Variants in ZNF223 observed in about 807,000 individuals in gnomAD.
ZNF223 encodes Homo sapiens zinc finger protein 223.
Under a neutral mutation model 12.3 loss-of-function variants are expected in ZNF223, and 9 were observed. That is an observed-to-expected ratio of 0.73 (90% CI 0.44 to 1.28). ZNF223 has a LOEUF of 1.28. ZNF223 is among the 50% of genes most tolerant of loss of function. The pLI, the probability that ZNF223 is intolerant of heterozygous loss-of-function variation, is 0.00. For synonymous variants in ZNF223, 171 were observed against 195.2 expected (o/e 0.88, Z 1.03); for missense variants, 506 against 579.0 (o/e 0.87, Z 1.29).
intron 4 of ZNF223, among the ~76,000 whole-genome samples, chr19:44,065,006 C>T (rs1457741222): frequency 6.6e-6 from 1 of 152,168 alleles, no homozygotes; most frequent in Non-Finnish European, 1.5e-5. Flanking sequence ...CACTGGTTCC[C>T]TGTGACCTAA....
Position 44,067,713 on chromosome 19 carries a change from CA to C in ZNF223, c.*437del, listed in dbSNP as rs1416522357. On this transcript the variant is annotated 3_prime_UTR_variant, in exon 5 of 5. Coordinates refer to ENST00000434772, the MANE Select transcript of ZNF223 (RefSeq NM_013361.6). The stretch of plus-strand genomic sequence containing the variant: ...GCAGAGAATGCTGCAGGGTTTCTAA[CA>C]GAAGTTTGACAATTAGTTATTATTC... 6.6e-6 allele frequency: 2 copies of C among 301,694 alleles called. No homozygotes were observed. Among genetic ancestry groups the C allele is most frequent in the East Asian group, 1.4e-4 (2 of 14,164 alleles). The allele number at this position is 301,694 out of a possible 1,614,324, so 18.7% of individuals were successfully genotyped here.
intron 4 of ZNF223, among the ~76,000 whole-genome samples, chr19:44,064,972 G>A (rs11672570): frequency 0.028 from 4,322 of 152,234 alleles, 171 homozygotes; most frequent in African/African-American, 0.091. Context: ...GTTGATTCCT[G>A]TGTGGTTATT....
intron 1 of ZNF223, among the ~76,000 whole-genome samples, chr19:44,054,158 T>A (rs1976735950): frequency 6.6e-6 from 1 of 151,890 alleles, no homozygotes; most frequent in African/African-American, 2.4e-5. Context: ...ACAGGAGTGT[T>A]AAGATGCCCT....
At chr19:44,062,832 C>T (rs1318015943) in intron 4 of ZNF223, among the ~76,000 whole-genome samples, 1 of 152,252 alleles carries the variant, frequency 6.6e-6, no homozygotes, top group Non-Finnish European at 1.5e-5. Context: ...GCCCACACTT[C>T]ACTGCCTCCA....
intron 1 of ZNF223, among the ~76,000 whole-genome samples, chr19:44,053,879 C>A (rs1174538275): frequency 6.6e-6 from 1 of 152,222 alleles, no homozygotes; most frequent in African/African-American, 2.4e-5. Context: ...CCTGCAAACA[C>A]ATTTTTACCA....
chr19:44,066,035 C>T, intron 4 of ZNF223, 29 bp from the exon 5 acceptor site: 2 of 1,555,900 alleles, frequency 1.3e-6, no homozygotes, highest in East Asian at 4.5e-5. Context: ...CATAGCTTGT[C>T]CTGATCTCTT....
intron 4 of ZNF223, among the ~76,000 whole-genome samples, chr19:44,064,590 A>T (rs929732313): frequency 6.6e-6 from 1 of 152,180 alleles, no homozygotes; most frequent in African/African-American, 2.4e-5. Context: ...GTTTAATGGG[A>T]CATTTTACAG....
At chr19:44,057,505 A>G (rs1385068207) in intron 2 of ZNF223, among the ~76,000 whole-genome samples, 1 of 152,216 alleles carries the variant, frequency 6.6e-6, no homozygotes, top group Non-Finnish European at 1.5e-5. Context: ...TAATAACAGT[A>G]ATAAGTAATA....
chr19:44,066,211 G>GTGAT lies in ZNF223; in HGVS notation c.384_387dup (p.Ala130Ter). On this transcript the variant is annotated frameshift_variant, in exon 5 of 5. Transcript: ENST00000434772. LOFTEE classifies it low-confidence loss of function (END_TRUNC). ...AAGAGCTCTCAGTTCTTTGAACAGGGTGATGCCCACTCCCAGGTTGAGGAA... is the reference window on the plus strand; with the variant it reads ...AAGAGCTCTCAGTTCTTTGAACAGGGTGATTGATGCCCACTCCCAGGTTGAGGAA... 1 of 1,614,176 alleles carries GTGAT rather than the reference G, an allele frequency of 6.2e-7. No homozygotes were observed. Among genetic ancestry groups the GTGAT allele is most frequent in the Non-Finnish European group, 8.5e-7 (1 of 1,180,036 alleles).
Position 44,055,152 on chromosome 19 carries a change from CA to C in ZNF223, c.-22del. The C allele has an allele frequency of 6.2e-7, 1 of 1,612,958 alleles. No homozygotes were observed. ...TGGAACTGTGTCATTCAGGACTCTG[CA>C]AATTCCCTAAAGTAGGAGGAAAAAT... is the stretch of plus-strand genomic sequence containing the variant. On this transcript the variant is annotated 5_prime_UTR_variant, in exon 2 of 5. An upstream open reading frame in the 5' UTR gains an earlier in-frame stop. Coordinates refer to ENST00000434772, the MANE Select transcript of ZNF223 (RefSeq NM_013361.6).
intron 4 of ZNF223, among the ~76,000 whole-genome samples, chr19:44,064,940 A>G (rs1976885601): frequency 6.6e-6 from 1 of 151,850 alleles, no homozygotes; most frequent in Non-Finnish European, 1.5e-5. Context: ...TTGGGGCTCC[A>G]TTACATAGCC....
chr19:44,064,761 G>C (rs1976883079), intron 4 of ZNF223, among the ~76,000 whole-genome samples: 1 of 152,060 alleles, frequency 6.6e-6, no homozygotes, highest in Non-Finnish European at 1.5e-5. Context: ...AGTTAACCAA[G>C]GGGGAAAAAC....
Position 44,066,458 on chromosome 19 carries a change from T to C in ZNF223, c.630T>C (p.Gly210=). The part of the protein sequence containing the change: ...GEKLFKCDVC[G]KEFSQSLHLQ... ...AACTCTTTAAGTGTGACGTGTGTGG[T>C]AAGGAATTCAGTCAGAGTTTACATC... The change falls in exon 5 of 5, where the codon GGT becomes GGC. Residue 210 remains glycine, a synonymous_variant. Transcript: ENST00000434772. 1.2e-6 allele frequency: 2 copies of C among 1,614,166 alleles called. No individual in the cohort carries two copies. The highest frequency in any genetic ancestry group is 1.7e-6 in the Non-Finnish European group (2 of 1,180,038).
In ZNF223 at chr19:44,064,515, C is replaced by T. The variant is rs543433616; in HGVS notation, c.236-1549C>T. ...CAAAATTCTTGTATAGGAATACTTT[C>T]GATTTGTAGATATAAACATTCTAAG... On this transcript the variant is annotated intron_variant, in intron 4 of 4. Transcript: ENST00000434772. 4.5e-4 allele frequency among the ~76,000 whole-genome samples: 69 copies of T among 152,094 alleles called. No homozygotes were observed. The South Asian group carries it at 0.013, about 29-fold the overall frequency.
rs1405230172 is a variant in ZNF223 at position 44,066,668 on chromosome 19, A to T, written c.840A>T (p.Arg280Ser). The change falls in exon 5 of 5, where the codon AGA (arginine) becomes AGT (serine). Residue 280 changes from arginine to serine, a missense_variant. Transcript: ENST00000434772. ...ATTTCCAGCTTCAGAAACATCAGAG[A>T]ATTCACACAGGGGAGAAGCCATTCA... ...IHDFQLQKHQ[R>S]IHTGEKPFKC... 1.2e-6 allele frequency: 2 copies of T among 1,614,112 alleles called. No individual in the cohort carries two copies. The highest frequency in any genetic ancestry group is 1.7e-6 in the Non-Finnish European group (2 of 1,180,038).
chr19:44,055,962 A>C (rs1032040382), intron 2 of ZNF223, among the ~76,000 whole-genome samples: 2 of 152,146 alleles, frequency 1.3e-5, no homozygotes. Context: ...CATTCTGCTC[A>C]AGTGAAAGAG....
At chr19:44,065,356 A>T (rs1231246330) in intron 4 of ZNF223, among the ~76,000 whole-genome samples, 1 of 152,212 alleles carries the variant, frequency 6.6e-6, no homozygotes, top group Admixed American at 6.5e-5. Flanking sequence ...AAATATACGA[A>T]GTATTTATTA....
At position 44,066,980 on chromosome 19, in the gene ZNF223, G is replaced by A. The variant is rs754821254; in HGVS notation, c.1152G>A (p.Lys384=). The A allele has an allele frequency of 2.5e-6, 4 of 1,613,160 alleles. No homozygotes were observed. The highest frequency in any genetic ancestry group is 2.5e-6 in the Non-Finnish European group (3 of 1,179,236). The change falls in exon 5 of 5, where the codon AAG becomes AAA. Residue 384 remains lysine, a synonymous_variant. Coordinates refer to ENST00000434772, the MANE Select transcript of ZNF223 (RefSeq NM_013361.6). The part of the protein sequence containing the change: ...CDKCGKSYIT[K]SGLDLHHRAH... ...AGTGTGGGAAGAGCTACATTACTAA[G>A]TCAGGTCTTGACTTGCACCATAGAG...
chr19:44,060,689 G>C, intron 3 of ZNF223, 60 bp from the exon 4 acceptor site: 1 of 1,613,664 alleles, frequency 6.2e-7, no homozygotes, highest in Non-Finnish European at 8.5e-7. Flanking sequence ...TCCAATAAGT[G>C]TTACCGTGAT....
Sources: allele counts gnomAD v4.1 joint callset (sites outside exome capture counted in the v4.1 genomes callset), GRCh38; gene constraint gnomAD v4.1.1; transcripts MANE v1.5; gene names NCBI Gene and HGNC (gene_info 2026-07-23, HGNC 2026-07-21).